RMDN2: variants seen among roughly 807,000 people sequenced by gnomAD.
RMDN2 encodes regulator of microtubule dynamics protein 2.
RMDN2 carries 61 observed loss-of-function variants against 52.8 expected under a neutral mutation model. That is an observed-to-expected ratio of 1.16 (90% CI 0.94 to 1.43). RMDN2 has a LOEUF of 1.43. Among genes scored for constraint, RMDN2 ranks in the 40% most tolerant of loss-of-function variants. The pLI, the probability that RMDN2 is intolerant of heterozygous loss-of-function variation, is 0.00. For synonymous variants in RMDN2, 180 were observed against 153.1 expected (o/e 1.18, Z -1.30); for missense variants, 592 against 475.3 (o/e 1.25, Z -2.28).
At chr2:37,965,325 C>G (rs372035370) in intron 2 of RMDN2, among the ~76,000 whole-genome samples, 13 of 144,292 alleles carry the variant, frequency 9.0e-5, no homozygotes, top group African/African-American at 3.1e-4. Context: ...ATTGCTACCT[C>G]TCTTTGTGTT....
chr2:37,933,664 T>G (rs372774312), intron 2 of RMDN2, among the ~76,000 whole-genome samples: 3 of 152,178 alleles, frequency 2.0e-5, no homozygotes, highest in South Asian at 4.1e-4. Flanking sequence ...GGCAGGCACT[T>G]GGCAGGCTGA....
chr2:37,960,870 T>C (rs932461298), intron 2 of RMDN2, among the ~76,000 whole-genome samples: 3 of 152,346 alleles, frequency 2.0e-5, no homozygotes, highest in Admixed American at 1.3e-4. Flanking sequence ...CAGGAACTCT[T>C]GTAAGGCAGG....
intron 10 of RMDN2, among the ~76,000 whole-genome samples, chr2:38,062,279 A>G (rs758798227): frequency 6.6e-6 from 1 of 152,074 alleles, no homozygotes; most frequent in African/African-American, 2.4e-5. Context: ...TCATCATGAC[A>G]CTTTTGTCTC....
intron 2 of RMDN2, among the ~76,000 whole-genome samples, chr2:37,962,148 C>A (rs1163519922): frequency 6.6e-6 from 1 of 152,214 alleles, no homozygotes; most frequent in African/African-American, 2.4e-5. Flanking sequence ...GGAGATGTCT[C>A]CTCGTCCGGA....
chr2:37,935,655 A>G (rs773096279), intron 2 of RMDN2, among the ~76,000 whole-genome samples: 1 of 152,230 alleles, frequency 6.6e-6, no homozygotes, highest in African/African-American at 2.4e-5. Context: ...TTTCTCCTAC[A>G]TGTGCACTTT....
At chr2:37,954,639 A>G (rs1340611993) in intron 2 of RMDN2, among the ~76,000 whole-genome samples, 1 of 151,490 alleles carries the variant, frequency 6.6e-6, no homozygotes, top group Non-Finnish European at 1.5e-5. Context: ...GAGGTGTGAG[A>G]CCTCCAACTT....
rs116459791 is a variant in RMDN2 at position 38,063,772 on chromosome 2, C to T, written c.1714-3210C>T. Among the ~76,000 whole-genome samples, 5 of 152,142 alleles carry T rather than the reference C, an allele frequency of 3.3e-5. No homozygotes were observed. The South Asian group carries it at 6.2e-4, about 19-fold the overall frequency. On this transcript the variant is annotated intron_variant, in intron 10 of 10. Coordinates refer to the RMDN2 transcript ENST00000234195. ...TGAACAGACACTTCTCATACTGTAG[C>T]GTTTTGCACTTTCCCAAGCAATGTA...
downstream of RMDN2, among the ~76,000 whole-genome samples, chr2:38,022,498 A>G (rs1679467078): frequency 6.6e-6 from 1 of 152,244 alleles, no homozygotes; most frequent in Non-Finnish European, 1.5e-5. Flanking sequence ...CCAAACTGCT[A>G]ACTTCTCAAG....
chr2:38,003,308 T>C (rs563442769), intron 8 of RMDN2, among the ~76,000 whole-genome samples: 7 of 152,228 alleles, frequency 4.6e-5, no homozygotes, highest in African/African-American at 1.7e-4. Flanking sequence ...ATCCCAGCAC[T>C]TTGGGAGGTC....
chr2:37,925,063 A>G (rs114722277), upstream of RMDN2, among the ~76,000 whole-genome samples: 3,817 of 152,190 alleles, frequency 0.025, 140 homozygotes, highest in African/African-American at 0.087. Context: ...GCTAGCGCGG[A>G]GGCCCAGAGC....
Position 37,948,451 on chromosome 2 carries a change from G to T in RMDN2, c.452+18722G>T, listed in dbSNP as rs556002739. 1.7e-4 allele frequency among the ~76,000 whole-genome samples: 26 copies of T among 152,234 alleles called. No individual in the cohort carries two copies. The South Asian group carries it at 4.1e-3, about 24-fold the overall frequency. On this transcript the variant is annotated intron_variant, in intron 2 of 10. Transcript: ENST00000354545. ...TGTTGCAGAAAAGGAGGAGGGTTGG[G>T]TGGCCATAGGGCATGATAAAAGCAG...
At chr2:38,000,804 A>G (rs1337597120) in intron 8 of RMDN2, among the ~76,000 whole-genome samples, 1 of 152,258 alleles carries the variant, frequency 6.6e-6, no homozygotes. Flanking sequence ...TTCTGTGAAC[A>G]TTCAAATGCA....
intron 2 of RMDN2, among the ~76,000 whole-genome samples, chr2:37,965,392 A>C (rs1670904473): frequency 6.8e-6 from 1 of 147,034 alleles, no homozygotes; most frequent in African/African-American, 2.5e-5. Context: ...TATATTCTAT[A>C]AATATGTTTT....
chr2:37,951,338 T>G, intron 2 of RMDN2: 22 of 1,613,068 alleles, frequency 1.4e-5, no homozygotes, highest in Non-Finnish European at 1.9e-5. Context: ...CAAGTATATC[T>G]CTTGGTCATA....
chr2:37,936,373 C>T (rs374383416), intron 2 of RMDN2, among the ~76,000 whole-genome samples: 1 of 152,156 alleles, frequency 6.6e-6, no homozygotes, highest in African/African-American at 2.4e-5. Context: ...TGTGTCTTTA[C>T]AGTAGAATGC....
chr2:38,003,927 C>A, intron 8 of RMDN2, 64 bp from the exon 9 acceptor site: 1 of 1,191,480 alleles, frequency 8.4e-7, no homozygotes, highest in South Asian at 1.2e-5. Flanking sequence ...ATATTCTCTT[C>A]ACTTGTGGTT....
chr2:37,942,215 C>G (rs1395878730), intron 2 of RMDN2, among the ~76,000 whole-genome samples: 1 of 152,172 alleles, frequency 6.6e-6, no homozygotes, highest in African/African-American at 2.4e-5. Context: ...CTTCACCTCA[C>G]CCTCCATAGG....
At chr2:37,981,162 G>T in intron 4 of RMDN2, 121 bp from the exon 5 acceptor site, 2 of 715,302 alleles carry the variant, frequency 2.8e-6, no homozygotes, top group Non-Finnish European at 5.1e-6. Flanking sequence ...AAACAAAGTT[G>T]CCATGTGATG....
intron 2 of RMDN2, among the ~76,000 whole-genome samples, chr2:37,934,551 T>A (rs371217861): frequency 1.8e-4 from 28 of 152,162 alleles, no homozygotes; most frequent in Middle Eastern, 3.4e-3. Context: ...TATATTTTAT[T>A]TTTTATTTTT....
Sources: allele counts gnomAD v4.1 joint callset (sites outside exome capture counted in the v4.1 genomes callset), GRCh38; gene constraint gnomAD v4.1.1; transcripts MANE v1.5; gene names NCBI Gene and HGNC (gene_info 2026-07-23, HGNC 2026-07-21).